ZUP1: variants seen among roughly 807,000 people sequenced by gnomAD.
ZUP1 encodes the protein zinc finger containing ubiquitin peptidase 1.
A neutral mutation model predicts 68.1 loss-of-function variants in ZUP1; 55 were observed. The ratio of observed to expected loss-of-function variants is 0.81; its 90% CI spans 0.65 to 1.01. ZUP1 has a LOEUF of 1.01. Among genes scored for constraint, ZUP1 ranks in the 50% least tolerant of loss-of-function variants. The pLI, the probability that ZUP1 is intolerant of heterozygous loss-of-function variation, is 0.00. For synonymous variants in ZUP1, 223 were observed against 221.5 expected, an observed-to-expected ratio of 1.01 and a Z score of -0.06; for missense variants, 684 against 674.9, an observed-to-expected ratio of 1.01 and a Z score of -0.15.
intron 9 of ZUP1, among the ~76,000 whole-genome samples, chr6:116,636,666 ACT>A (rs1480425249): frequency 6.6e-6 from 1 of 152,022 alleles, no homozygotes; most frequent in East Asian, 1.9e-4. Flanking sequence ...AAAACCAATC[ACT>A]CTCTTTCTAT....
intron 5 of ZUP1, among the ~76,000 whole-genome samples, chr6:116,653,085 G>A (rs17078184): frequency 1.3e-5 from 2 of 151,854 alleles, no homozygotes; most frequent in African/African-American, 2.4e-5. Context: ...AAATGTCATC[G>A]ACCCCAACTA....
At chr6:116,664,031 T>C (rs980158498) in intron 2 of ZUP1, among the ~76,000 whole-genome samples, 1 of 152,152 alleles carries the variant, frequency 6.6e-6, no homozygotes, top group Non-Finnish European at 1.5e-5. Flanking sequence ...AGTGTTTCTA[T>C]AAAACTGCAA....
At chr6:116,641,015 G>C (rs372196655) in intron 9 of ZUP1, among the ~76,000 whole-genome samples, 43 of 148,344 alleles carry the variant, frequency 2.9e-4, no homozygotes, top group South Asian at 6.6e-4. Flanking sequence ...AAATGGAAAA[G>C]AAAAAAAGGC....
Position 116,645,701 on chromosome 6 carries a change from T to C in ZUP1, c.1689+13A>G, listed in dbSNP as rs943658290. The C allele has an allele frequency of 1.3e-6, 2 of 1,564,072 alleles. No individual in the cohort carries two copies. Among genetic ancestry groups the C allele is most frequent in the Non-Finnish European group, 1.7e-6 (2 of 1,148,652 alleles). The stretch of plus-strand genomic sequence containing the variant: ...CTCATTCAAACTTCACATATAAATA[T>C]TTAGATACTTACAAGTTTCTCCTCT... On this transcript the variant is annotated intron_variant, in intron 9 of 9. Transcript: ENST00000368576.
At chr6:116,660,629 A>T in intron 3 of ZUP1, 107 bp downstream of exon 3, 1 of 591,062 alleles carries the variant, frequency 1.7e-6, no homozygotes, top group Non-Finnish European at 2.8e-6. Context: ...TTAAAGGAAA[A>T]GATGTATTTT....
chr6:116,664,908 T>C (rs996879365), intron 2 of ZUP1, among the ~76,000 whole-genome samples: 3 of 145,534 alleles, frequency 2.1e-5, no homozygotes, highest in Non-Finnish European at 4.6e-5. Flanking sequence ...ACACACACAA[T>C]CCAGAAAAAA....
chr6:116,652,114 TC>T lies in ZUP1; in HGVS notation c.1039del (p.Asp347IlefsTer7), dbSNP rs765411709. 6.2e-7 allele frequency: 1 copy of T among 1,613,872 alleles called. No individual in the cohort carries two copies. The highest frequency in any genetic ancestry group is 8.5e-7 in the Non-Finnish European group (1 of 1,179,902). On this transcript the variant is annotated frameshift_variant, in exon 6 of 10. Coordinates refer to ENST00000368576, the MANE Select transcript of ZUP1 (RefSeq NM_145062.3). LOFTEE classifies it high-confidence loss of function. ...GTCGCCTAAAGATGAATGAAAGTGA[TC>T]CACCACTGAAGAAAGCCACACCCGT... ...VRRVWLSSVV[D>X]HFHSSLGDKG...
chr6:116,638,522 T>C (rs976524810), intron 9 of ZUP1, among the ~76,000 whole-genome samples: 3 of 152,184 alleles, frequency 2.0e-5, no homozygotes, highest in African/African-American at 7.2e-5. Context: ...TAAGCCCAAG[T>C]GCATAAAATA....
chr6:116,655,793 T>G (rs1336228523), intron 5 of ZUP1, among the ~76,000 whole-genome samples: 1 of 152,204 alleles, frequency 6.6e-6, no homozygotes, highest in East Asian at 1.9e-4. Flanking sequence ...GAGGATGTTT[T>G]GAGTTAAATG....
At chr6:116,638,735 G>A (rs996217256) in intron 9 of ZUP1, among the ~76,000 whole-genome samples, 5 of 152,230 alleles carry the variant, frequency 3.3e-5, no homozygotes, top group Non-Finnish European at 5.9e-5. Context: ...AACAGCTCCG[G>A]TCTACAGCTC....
At chr6:116,640,428 C>A (rs1451680218) in intron 9 of ZUP1, among the ~76,000 whole-genome samples, 1 of 152,074 alleles carries the variant, frequency 6.6e-6, no homozygotes, top group East Asian at 1.9e-4. Flanking sequence ...ATGTTAAGGG[C>A]AGCCAGAAAG....
Position 116,645,735 on chromosome 6 carries a change from A to G in ZUP1, c.1668T>C (p.Ala556=), listed in dbSNP as rs1485353576. The G allele has an allele frequency of 1.9e-6, 3 of 1,612,214 alleles. No homozygotes were observed. Among genetic ancestry groups the G allele is most frequent in the Admixed American group, 1.7e-5 (1 of 59,666 alleles). ...KQYQILAVEG[A]LSLEEKLARR... The stretch of plus-strand genomic sequence containing the variant: ...TTACAAGTTTCTCCTCTAGAGAAAG[A>G]GCACCCTCTACTGCCAATATCTGGT... Residue 556 remains alanine (A), a synonymous_variant, in exon 9 of 10, where the codon GCT becomes GCC. Coordinates refer to ENST00000368576, the MANE Select transcript of ZUP1 (RefSeq NM_145062.3).
At chr6:116,647,786 G>A (rs1349687582) in intron 7 of ZUP1, among the ~76,000 whole-genome samples, 176 bp from the exon 8 acceptor site, 1 of 152,064 alleles carries the variant, frequency 6.6e-6, no homozygotes, top group African/African-American at 2.4e-5. Flanking sequence ...ACTCCTTTTT[G>A]TGGGGGATAA....
intron 8 of ZUP1, among the ~76,000 whole-genome samples, chr6:116,646,827 T>G (rs1776325330): frequency 6.6e-6 from 1 of 152,188 alleles, no homozygotes; most frequent in African/African-American, 2.4e-5. Context: ...CCTCCTGCTT[T>G]GGCCTCTGAA....
At chr6:116,647,351 T>G in intron 8 of ZUP1, 108 bp downstream of exon 8, 1 of 1,017,544 alleles carries the variant, frequency 9.8e-7, no homozygotes, top group Non-Finnish European at 1.3e-6. Flanking sequence ...AGAGTGAGAT[T>G]CTGTCTAAAA....
chr6:116,654,025 A>G (rs1445235380), intron 5 of ZUP1, among the ~76,000 whole-genome samples: 1 of 152,002 alleles, frequency 6.6e-6, no homozygotes, highest in Non-Finnish European at 1.5e-5. Flanking sequence ...TCTTTAAATG[A>G]TAGCTGCTTA....
chr6:116,640,642 A>G (rs903345399), intron 9 of ZUP1, among the ~76,000 whole-genome samples: 1 of 152,156 alleles, frequency 6.6e-6, no homozygotes, highest in Non-Finnish European at 1.5e-5. Context: ...AAATGCTGAG[A>G]GATTTTGTCA....
At chr6:116,665,415 G>A (rs1776968548) in intron 2 of ZUP1, among the ~76,000 whole-genome samples, 2 of 151,930 alleles carry the variant, frequency 1.3e-5, no homozygotes, top group South Asian at 4.1e-4. Flanking sequence ...CATGAAAGAA[G>A]AAATTGTCAA....
chr6:116,662,439 C>T (rs1481174275), intron 2 of ZUP1, among the ~76,000 whole-genome samples: 1 of 152,204 alleles, frequency 6.6e-6, no homozygotes, highest in Non-Finnish European at 1.5e-5. Context: ...CATCATCATC[C>T]AATGGAGTCA....
Sources: allele counts gnomAD v4.1 joint callset (sites outside exome capture counted in the v4.1 genomes callset), GRCh38; gene constraint gnomAD v4.1.1; transcripts MANE v1.5; gene names NCBI Gene and HGNC (gene_info 2026-07-23, HGNC 2026-07-21).